NOL4: variants seen among roughly 807,000 people sequenced by gnomAD.
The protein encoded by NOL4 is cancer/testis antigen 125.
Under a neutral mutation model 75.9 loss-of-function variants are expected in NOL4, and 17 were observed. The observed-to-expected ratio is 0.22, with a 90% CI of 0.15 to 0.34. The LOEUF (loss-of-function observed/expected upper bound fraction) is 0.34, where lower values mean the gene tolerates loss of function less well. Ranked by LOEUF, NOL4 falls within the 10% of genes least tolerant of loss-of-function variation. The pLI is 1.00. For synonymous variants in NOL4, 292 were observed against 289.9 expected, an observed-to-expected ratio of 1.01 and a Z score of -0.07; for missense variants, 614 against 793.5, an observed-to-expected ratio of 0.77 and a Z score of 2.72.
At chr18:33,932,485 TTGC>T (rs2067764318) in intron 9 of NOL4, among the ~76,000 whole-genome samples, 2 of 152,100 alleles carry the variant, frequency 1.3e-5, no homozygotes, top group South Asian at 4.1e-4. Flanking sequence ...TTTAAAAACC[TTGC>T]TGCTGTGTGA....
At chr18:34,028,576 G>A (rs889763263) in intron 5 of NOL4, among the ~76,000 whole-genome samples, 3 of 152,164 alleles carry the variant, frequency 2.0e-5, no homozygotes, top group African/African-American at 7.2e-5. Flanking sequence ...CACAGCCAAT[G>A]CAGCCAGACC....
intron 1 of NOL4, among the ~76,000 whole-genome samples, chr18:34,170,178 A>AT (rs201918434): frequency 0.24 from 33,529 of 141,126 alleles, 4,167 homozygotes; most frequent in East Asian, 0.43. Flanking sequence ...TTTAAGAACT[A>AT]TTTTTTTTTT....
chr18:34,117,217 T>C (rs937801820), intron 2 of NOL4, among the ~76,000 whole-genome samples: 5 of 152,210 alleles, frequency 3.3e-5, no homozygotes, highest in Non-Finnish European at 5.9e-5. Context: ...ATCACTATCA[T>C]GATCTCTGTG....
At chr18:34,193,800 T>C (rs2035096630) in intron 1 of NOL4, among the ~76,000 whole-genome samples, 1 of 152,194 alleles carries the variant, frequency 6.6e-6, no homozygotes, top group Non-Finnish European at 1.5e-5. Context: ...CATTGCAATC[T>C]TATTCACACT....
chr18:34,201,783 C>T (rs2035760908), intron 1 of NOL4, among the ~76,000 whole-genome samples: 1 of 151,728 alleles, frequency 6.6e-6, no homozygotes. Context: ...TTTAAAATAT[C>T]TGTAAATTTT....
At chr18:34,093,666 C>G (rs991003585) in intron 4 of NOL4, 69 bp from the exon 5 acceptor site, 8 of 1,171,720 alleles carry the variant, frequency 6.8e-6, no homozygotes, top group East Asian at 5.6e-5. Flanking sequence ...ACCATTTTAT[C>G]TACACAGTCA....
intron 9 of NOL4, among the ~76,000 whole-genome samples, chr18:33,886,134 G>A (rs1350640694): frequency 6.6e-6 from 1 of 152,036 alleles, no homozygotes; most frequent in Admixed American, 6.6e-5. Flanking sequence ...TTGAACTTAT[G>A]GACATAGAGA....
chr18:33,987,360 C>T (rs759218734), intron 6 of NOL4, among the ~76,000 whole-genome samples: 11 of 151,938 alleles, frequency 7.2e-5, no homozygotes, highest in Admixed American at 5.9e-4. Flanking sequence ...CACTTGATCA[C>T]GAGAATGACT....
intron 10 of NOL4, among the ~76,000 whole-genome samples, chr18:33,878,222 A>G (rs1889544908): frequency 6.6e-6 from 1 of 152,064 alleles, no homozygotes; most frequent in South Asian, 2.1e-4. Context: ...TTTGTTATCA[A>G]TTTTTACCCA....
intron 9 of NOL4, among the ~76,000 whole-genome samples, chr18:33,934,247 G>A (rs973089030): frequency 6.6e-6 from 1 of 151,990 alleles, no homozygotes; most frequent in Admixed American, 6.6e-5. Flanking sequence ...AGGCCTTGTT[G>A]TTTCATTTAT....
chr18:34,141,749 A>C (rs1043060682), intron 1 of NOL4, among the ~76,000 whole-genome samples: 4 of 152,210 alleles, frequency 2.6e-5, no homozygotes, highest in African/African-American at 9.7e-5. Flanking sequence ...AACCTAGGCA[A>C]TACCATTCAG....
At chr18:34,022,643 G>GA (rs1431807266) in intron 5 of NOL4, among the ~76,000 whole-genome samples, 3 of 151,668 alleles carry the variant, frequency 2.0e-5, no homozygotes, top group African/African-American at 7.3e-5. Flanking sequence ...TTTAATTCAT[G>GA]AAAAAAAGTG....
At chr18:34,044,860 G>A (rs547878521) in intron 5 of NOL4, among the ~76,000 whole-genome samples, 2 of 152,228 alleles carry the variant, frequency 1.3e-5, no homozygotes, top group Non-Finnish European at 2.9e-5. Context: ...TTTCAGTCTT[G>A]AAGGTTCTTT....
intron 1 of NOL4, among the ~76,000 whole-genome samples, chr18:34,181,237 A>G (rs1277805247): frequency 6.6e-6 from 1 of 151,620 alleles, no homozygotes; most frequent in Non-Finnish European, 1.5e-5. Flanking sequence ...AGATCAATGG[A>G]ATGTAATTGA....
intron 1 of NOL4, among the ~76,000 whole-genome samples, chr18:34,199,587 G>C (rs750751447): frequency 6.6e-6 from 1 of 151,852 alleles, no homozygotes; most frequent in Admixed American, 6.6e-5. Flanking sequence ...TAAAAGCCAA[G>C]TAAAACTTAT....
At chr18:34,166,754 A>ATATATAT (rs2032387882) in intron 1 of NOL4, among the ~76,000 whole-genome samples, 48 of 115,680 alleles carry the variant, frequency 4.1e-4, no homozygotes, top group Non-Finnish European at 5.8e-4. Flanking sequence ...TAGTAAAAAA[A>ATATATAT]AGGCCGGGCG....
chr18:34,138,888 G>C (rs1427346429), intron 1 of NOL4, among the ~76,000 whole-genome samples: 8 of 152,104 alleles, frequency 5.3e-5, no homozygotes, highest in Non-Finnish European at 8.8e-5. Context: ...TAGCATGAAG[G>C]GCTGTTGAAT....
chr18:34,071,882 C>G (rs988508595), intron 5 of NOL4, among the ~76,000 whole-genome samples: 1 of 151,930 alleles, frequency 6.6e-6, no homozygotes, highest in Non-Finnish European at 1.5e-5. Flanking sequence ...GGGAATGTAC[C>G]TAACTATATG....
chr18:33,880,005 G>C (rs996848204), intron 10 of NOL4, among the ~76,000 whole-genome samples: 1 of 151,894 alleles, frequency 6.6e-6, no homozygotes, highest in African/African-American at 2.4e-5. Flanking sequence ...CCACAGTCTT[G>C]TTAAAAAAAT....
Sources: gnomAD v4.1 joint callset for allele counts (sites outside exome capture counted in the v4.1 genomes callset) on GRCh38, gnomAD v4.1.1 for gene constraint, MANE v1.5 for transcripts, NCBI Gene and HGNC (gene_info 2026-07-23, HGNC 2026-07-21) for gene names.